MYO1B: variants seen among roughly 807,000 people sequenced by gnomAD.
The protein encoded by MYO1B is myosin IB.
MYO1B carries 72 observed loss-of-function variants against 159.7 expected under a neutral mutation model. The observed-to-expected ratio is 0.45, with a 90% CI of 0.37 to 0.55. The LOEUF (loss-of-function observed/expected upper bound fraction) is 0.55. Ranked by LOEUF, MYO1B falls within the 20% of genes least tolerant of loss-of-function variation. The pLI, the probability that MYO1B is intolerant of heterozygous loss-of-function variation, is 0.00. For synonymous variants in MYO1B, 468 were observed against 473.8 expected (o/e 0.99, Z 0.16); for missense variants, 1,062 against 1,364.8 (o/e 0.78, Z 3.50).
At chr2:191,271,627 C>T (rs570432863) in intron 1 of MYO1B, among the ~76,000 whole-genome samples, 7 of 152,194 alleles carry the variant, frequency 4.6e-5, no homozygotes, top group East Asian at 3.9e-4. Context: ...TCAAATTCTA[C>T]GATAAAAGTG....
intron 26 of MYO1B, 38 bp downstream of exon 26, chr2:191,409,216 T>A (rs765164103): frequency 6.3e-7 from 1 of 1,585,022 alleles, no homozygotes; most frequent in Non-Finnish European, 8.6e-7. Flanking sequence ...GGAGACTTTC[T>A]TATTTATTTT....
chr2:191,293,366 A>G (rs1688794067), intron 2 of MYO1B, among the ~76,000 whole-genome samples: 1 of 152,212 alleles, frequency 6.6e-6, no homozygotes, highest in South Asian at 2.1e-4. Flanking sequence ...TGTTACCGGA[A>G]AGGAGTCCCA....
At chr2:191,338,182 A>G (rs976700787) in intron 4 of MYO1B, among the ~76,000 whole-genome samples, 1 of 150,022 alleles carries the variant, frequency 6.7e-6, no homozygotes, top group Non-Finnish European at 1.5e-5. Flanking sequence ...AAATAGTGTG[A>G]TTTTTTTTTT....
At chr2:191,381,851 A>T (rs981625308) in intron 14 of MYO1B, among the ~76,000 whole-genome samples, 5 of 152,214 alleles carry the variant, frequency 3.3e-5, no homozygotes, top group African/African-American at 1.2e-4. Context: ...ATTTGCCAAA[A>T]CTTAGAGAAC....
At chr2:191,370,150 T>C (rs1437273817) in intron 12 of MYO1B, 77 bp from the exon 13 acceptor site, 3 of 898,576 alleles carry the variant, frequency 3.3e-6, no homozygotes, top group African/African-American at 1.7e-5. Context: ...ATTTGTAATA[T>C]ATATCTATGT....
intron 2 of MYO1B, among the ~76,000 whole-genome samples, chr2:191,279,625 C>T (rs17619113): frequency 3.9e-5 from 6 of 152,160 alleles, no homozygotes; most frequent in Non-Finnish European, 7.3e-5. Flanking sequence ...CCTGATAATA[C>T]TCCTGCTTTG....
chr2:191,400,699 A>G, intron 22 of MYO1B, 50 bp from the exon 23 acceptor site: 2 of 1,595,208 alleles, frequency 1.3e-6, no homozygotes, highest in Non-Finnish European at 8.6e-7. Flanking sequence ...ACCAGCAGTA[A>G]CCTTTCCTGC....
intron 1 of MYO1B, among the ~76,000 whole-genome samples, chr2:191,272,133 G>A (rs1229651506): frequency 6.6e-6 from 1 of 152,168 alleles, no homozygotes; most frequent in Non-Finnish European, 1.5e-5. Flanking sequence ...TAGTAATTTT[G>A]GAAGTTCTTG....
intron 3 of MYO1B, among the ~76,000 whole-genome samples, chr2:191,297,992 A>G (rs1689085471): frequency 6.6e-6 from 1 of 152,204 alleles, no homozygotes; most frequent in Non-Finnish European, 1.5e-5. Flanking sequence ...AACCTGCAGA[A>G]AGTCTCATTA....
intron 3 of MYO1B, among the ~76,000 whole-genome samples, chr2:191,298,642 A>G (rs1689124014): frequency 6.6e-6 from 1 of 152,212 alleles, no homozygotes; most frequent in Non-Finnish European, 1.5e-5. Flanking sequence ...ACTTACTGCA[A>G]TTTGTGATCT....
intron 30 of MYO1B, among the ~76,000 whole-genome samples, chr2:191,418,724 G>GA (rs1697737826): frequency 6.6e-6 from 1 of 152,018 alleles, no homozygotes; most frequent in Non-Finnish European, 1.5e-5. Flanking sequence ...CCTGACCTCA[G>GA]GTGATCCGCC....
At chr2:191,261,944 A>G (rs1285304765) in intron 1 of MYO1B, among the ~76,000 whole-genome samples, 1 of 152,108 alleles carries the variant, frequency 6.6e-6, no homozygotes, top group Non-Finnish European at 1.5e-5. Context: ...ATGACTTCCA[A>G]ATTTAACTGA....
At chr2:191,344,787 G>A (rs1044610652) in intron 5 of MYO1B, among the ~76,000 whole-genome samples, 2 of 136,900 alleles carry the variant, frequency 1.5e-5, no homozygotes, top group Admixed American at 8.1e-5. Flanking sequence ...CCGAGATCCC[G>A]CCGCTGCACT....
At chr2:191,294,409 C>T (rs1383285944) in intron 2 of MYO1B, among the ~76,000 whole-genome samples, 1 of 152,030 alleles carries the variant, frequency 6.6e-6, no homozygotes, top group Non-Finnish European at 1.5e-5. Context: ...TTTTTTTAAC[C>T]AATAGATGTT....
chr2:191,291,456 T>C (rs908865239), intron 2 of MYO1B, among the ~76,000 whole-genome samples: 3 of 152,226 alleles, frequency 2.0e-5, no homozygotes, highest in Non-Finnish European at 2.9e-5. Context: ...CTTTTTCTTC[T>C]CTTTCATTCT....
intron 30 of MYO1B, among the ~76,000 whole-genome samples, chr2:191,418,302 G>T (rs977367906): frequency 2.0e-5 from 3 of 151,968 alleles, no homozygotes; most frequent in African/African-American, 7.3e-5. Flanking sequence ...AAGTGGCTTC[G>T]CTAGCTCTAT....
intron 3 of MYO1B, among the ~76,000 whole-genome samples, chr2:191,302,725 A>G (rs542350936): frequency 6.6e-6 from 1 of 152,316 alleles, no homozygotes; most frequent in Admixed American, 6.5e-5. Context: ...TACCTTAGGC[A>G]TTGCAGTCAC....
At chr2:191,382,131 A>T (rs546334513) in intron 14 of MYO1B, among the ~76,000 whole-genome samples, 2 of 152,132 alleles carry the variant, frequency 1.3e-5, no homozygotes, top group Non-Finnish European at 2.9e-5. Flanking sequence ...ATTTTTTAAA[A>T]TAGCCAGTCT....
rs532557648 is a variant in MYO1B at position 191,271,276 on chromosome 2, G to A, written c.-9-5611G>A. On this transcript the variant is annotated intron_variant, in intron 1 of 30. Coordinates refer to ENST00000392318, the MANE Select transcript of MYO1B (RefSeq NM_001130158.3). ...CTAATGCTGTTATACTGCTAATGAT[G>A]TTATAATATATGTGTTTTAAATGTC... Among the ~76,000 whole-genome samples, 9 of 152,354 alleles carry A rather than the reference G, an allele frequency of 5.9e-5. No individual in the cohort carries two copies. The East Asian group carries it at 1.7e-3, about 29-fold the overall frequency.
Sources: gnomAD v4.1 joint callset for allele counts (sites outside exome capture counted in the v4.1 genomes callset) on GRCh38, gnomAD v4.1.1 for gene constraint, MANE v1.5 for transcripts, NCBI Gene and HGNC (gene_info 2026-07-23, HGNC 2026-07-21) for gene names.